The following ST6GALNAC3 variants were observed in gnomAD, a reference collection of about 807,000 sequenced individuals.
ST6GALNAC3 encodes ST6 N-acetylgalactosaminide alpha-2,6-sialyltransferase 3.
A neutral mutation model predicts 32.7 loss-of-function variants in ST6GALNAC3; 25 were observed. The observed-to-expected ratio is 0.76, with a 90% CI of 0.56 to 1.07. The LOEUF is 1.07. ST6GALNAC3 is among the 50% of genes least tolerant of loss of function. The pLI, the probability that ST6GALNAC3 is intolerant of heterozygous loss-of-function variation, is 0.00. For synonymous variants in ST6GALNAC3, 129 were observed against 133.1 expected (o/e 0.97, Z 0.21); for missense variants, 355 against 382.4 (o/e 0.93, Z 0.60).
intron 3 of ST6GALNAC3, among the ~76,000 whole-genome samples, chr1:76,420,049 G>A (rs777321248): frequency 4.6e-5 from 7 of 151,566 alleles, no homozygotes; most frequent in South Asian, 2.1e-4. Flanking sequence ...TGCTCCGAGC[G>A]GAGAGAGAAA....
intron 3 of ST6GALNAC3, among the ~76,000 whole-genome samples, chr1:76,608,847 T>C (rs1647739330): frequency 2.0e-5 from 3 of 152,272 alleles, no homozygotes; most frequent in African/African-American, 7.2e-5. Context: ...ATATTAATTA[T>C]TTGGGAAGAA....
chr1:76,294,690 GT>G (rs59173045), intron 1 of ST6GALNAC3, among the ~76,000 whole-genome samples: 1 of 151,006 alleles, frequency 6.6e-6, no homozygotes, highest in Non-Finnish European at 1.5e-5. Context: ...AAAAGAGTAA[GT>G]TTTTTTTTGC....
chr1:76,279,143 A>G (rs544916484), intron 1 of ST6GALNAC3, among the ~76,000 whole-genome samples: 1 of 152,138 alleles, frequency 6.6e-6, no homozygotes, highest in African/African-American at 2.4e-5. Context: ...CAGCACCAAC[A>G]TGCTTCCCCT....
intron 3 of ST6GALNAC3, among the ~76,000 whole-genome samples, chr1:76,515,675 A>T: frequency 6.6e-6 from 1 of 152,116 alleles, no homozygotes; most frequent in East Asian, 1.9e-4. Context: ...CCAGTTGGTT[A>T]CTTTGGAGCA....
Position 76,629,450 on chromosome 1 carries a change from A to G in ST6GALNAC3, c.*644A>G. 3.0e-6 allele frequency: 3 copies of G among 985,624 alleles called. No individual in the cohort carries two copies. The highest frequency in any genetic ancestry group is 3.6e-6 in the Non-Finnish European group (3 of 829,810). The allele number at this position is 985,624 out of a possible 1,614,324, so 61.1% of individuals were successfully genotyped here. A position where few individuals can be genotyped will look rare whatever the true frequency, so the allele number is the denominator to read the frequency against. ...GATTACTTGACTATCTCAAACACAT[A>G]AATCAAAATGGGCCAAGTAGCAAAT... On this transcript the variant is annotated 3_prime_UTR_variant, in exon 5 of 5. Coordinates refer to ENST00000328299, the MANE Select transcript of ST6GALNAC3 (RefSeq NM_152996.4).
intron 1 of ST6GALNAC3, among the ~76,000 whole-genome samples, chr1:76,296,269 A>T (rs990861799): frequency 2.6e-5 from 4 of 152,056 alleles, no homozygotes; most frequent in Non-Finnish European, 5.9e-5. Flanking sequence ...CTTCTTGGGA[A>T]GTGTGTGTGT....
At chr1:76,413,359 C>T (rs1571151312) in intron 3 of ST6GALNAC3, among the ~76,000 whole-genome samples, 1 of 152,124 alleles carries the variant, frequency 6.6e-6, no homozygotes, top group Non-Finnish European at 1.5e-5. Context: ...GTGAATTTTG[C>T]TTATTTGTGC....
At chr1:76,264,006 G>T (rs573209913) in intron 1 of ST6GALNAC3, among the ~76,000 whole-genome samples, 61 of 152,236 alleles carry the variant, frequency 4.0e-4, no homozygotes, top group Non-Finnish European at 7.5e-4. Context: ...GATAAGAGAG[G>T]TTATCCAAAG....
chr1:76,254,296 T>C (rs760771666), intron 1 of ST6GALNAC3, among the ~76,000 whole-genome samples: 2 of 152,064 alleles, frequency 1.3e-5, no homozygotes, highest in African/African-American at 4.8e-5. Context: ...TGGATACTGG[T>C]GTGCTTAGCT....
chr1:76,486,443 T>G (rs1660121563), intron 3 of ST6GALNAC3, among the ~76,000 whole-genome samples: 1 of 152,226 alleles, frequency 6.6e-6, no homozygotes, highest in Non-Finnish European at 1.5e-5. Flanking sequence ...GATAGTTAGC[T>G]CTTCTTGTTG....
At chr1:76,530,142 G>A (rs530186883) in intron 3 of ST6GALNAC3, among the ~76,000 whole-genome samples, 17 of 152,060 alleles carry the variant, frequency 1.1e-4, no homozygotes, top group African/African-American at 1.7e-4. Flanking sequence ...CACAAACCTC[G>A]GTGAAATAGG....
intron 1 of ST6GALNAC3, among the ~76,000 whole-genome samples, chr1:76,147,803 C>A (rs1411581800): frequency 6.6e-6 from 1 of 152,090 alleles, no homozygotes; most frequent in Non-Finnish European, 1.5e-5. Flanking sequence ...CCCTACTCTT[C>A]TCTTGCCTTT....
chr1:76,348,751 T>C (rs1367304370), intron 2 of ST6GALNAC3, among the ~76,000 whole-genome samples: 1 of 152,190 alleles, frequency 6.6e-6, no homozygotes, highest in Non-Finnish European at 1.5e-5. Flanking sequence ...CATGCCTATA[T>C]ATATATATAT....
intron 1 of ST6GALNAC3, among the ~76,000 whole-genome samples, chr1:76,174,213 A>G (rs918899665): frequency 1.3e-5 from 2 of 152,212 alleles, no homozygotes; most frequent in Non-Finnish European, 2.9e-5. Flanking sequence ...AAACTAACAC[A>G]GGAACAGAAA....
At chr1:76,368,020 C>T (rs570826246) in intron 2 of ST6GALNAC3, among the ~76,000 whole-genome samples, 1 of 152,312 alleles carries the variant, frequency 6.6e-6, no homozygotes, top group African/African-American at 2.4e-5. Context: ...ACTCCAGCAC[C>T]TGCATAAGGC....
intron 2 of ST6GALNAC3, among the ~76,000 whole-genome samples, chr1:76,357,130 C>CTTTCTTTTTT (rs1165946045): frequency 1.2e-4 from 13 of 111,174 alleles, no homozygotes; most frequent in African/African-American, 4.1e-4. Context: ...TTTTCTTTTT[C>CTTTCTTTTTT]TTTTTTTTTT....
In ST6GALNAC3 at chr1:76,251,414, A is replaced by G. The variant is rs577371057; in HGVS notation, c.19-62391A>G. Reference sequence around the variant, plus strand: ...AGTTATTCTTCAGTGCCTGGAGAATAAGGTCGAAATCTTTGAGCTGCTTTT... The same window carrying G: ...AGTTATTCTTCAGTGCCTGGAGAATGAGGTCGAAATCTTTGAGCTGCTTTT... On this transcript the variant is annotated intron_variant, in intron 1 of 4. Coordinates refer to ENST00000328299, the MANE Select transcript of ST6GALNAC3 (RefSeq NM_152996.4). Among the ~76,000 whole-genome samples the G allele has an allele frequency of 5.3e-5, 8 of 152,244 alleles. No individual in the cohort carries two copies. The South Asian group carries it at 1.0e-3, about 20-fold the overall frequency.
chr1:76,562,229 A>G (rs1476073575), intron 3 of ST6GALNAC3, among the ~76,000 whole-genome samples: 1 of 152,198 alleles, frequency 6.6e-6, no homozygotes, highest in East Asian at 1.9e-4. Flanking sequence ...ACTCACTTTA[A>G]ATGAGTGAAT....
intron 1 of ST6GALNAC3, among the ~76,000 whole-genome samples, chr1:76,127,566 C>T (rs1360908480): frequency 6.6e-6 from 1 of 152,174 alleles, no homozygotes; most frequent in Admixed American, 6.5e-5. Flanking sequence ...TTATTATGTG[C>T]TTCTGGCATG....
Sources: allele counts gnomAD v4.1 joint callset (sites outside exome capture counted in the v4.1 genomes callset), GRCh38; gene constraint gnomAD v4.1.1; transcripts MANE v1.5; gene names NCBI Gene and HGNC (gene_info 2026-07-23, HGNC 2026-07-21).